LRP4: variants seen among roughly 807,000 people sequenced by gnomAD.
LRP4 encodes LDL receptor related protein 4.
LRP4 carries 95 observed loss-of-function variants against 220.3 expected under a neutral mutation model. The ratio of observed to expected loss-of-function variants is 0.43; its 90% CI spans 0.37 to 0.51. LRP4 has a LOEUF of 0.51. LRP4 is among the 20% of genes least tolerant of loss of function. LRP4 has a pLI of 0.00. For missense variants in LRP4, 1,925 were observed against 2,567.0 expected (o/e 0.75, Z 5.40); for synonymous variants, 903 against 954.6 (o/e 0.95, Z 1.00).
At chr11:46,888,363 G>A (rs1249004294) in intron 16 of LRP4, among the ~76,000 whole-genome samples, 3 of 150,780 alleles carry the variant, frequency 2.0e-5, no homozygotes, top group Non-Finnish European at 1.5e-5. Context: ...AGACCAGCCA[G>A]ACCAACATGG....
At chr11:46,880,482 C>T (rs917413657) in intron 20 of LRP4, among the ~76,000 whole-genome samples, 2 of 151,996 alleles carry the variant, frequency 1.3e-5, no homozygotes, top group African/African-American at 4.8e-5. Context: ...CCCGTAGGCT[C>T]CTGAGTAGCT....
At position 46,899,604 on chromosome 11, in the gene LRP4, C is replaced by T; in HGVS notation, c.431-101G>A. The T allele has an allele frequency of 2.2e-6, 2 of 914,848 alleles. No individual in the cohort carries two copies. Among genetic ancestry groups the T allele is most frequent in the Admixed American group, 1.7e-5 (1 of 58,690 alleles). 56.7% of individuals were successfully genotyped at this position (914,848 alleles called of 1,614,324 possible). ...ACCTCACTGGCTTTGGCGGGTCTGA[C>T]CTAGCCCCCGAAAGGCACCCCAGAG... On this transcript the variant is annotated intron_variant, in intron 4 of 37. Transcript: ENST00000378623. This position sits in a 1 kb window ranked among gnomAD's most constrained non-coding sequence, Gnocchi z 5.9.
At chr11:46,916,266 C>T (rs1271612635) in intron 1 of LRP4, among the ~76,000 whole-genome samples, 1 of 151,974 alleles carries the variant, frequency 6.6e-6, no homozygotes, top group African/African-American at 2.4e-5. Flanking sequence ...TGGTGAAACC[C>T]CATCTCTAGA....
rs534318687 is a variant in LRP4 at position 46,892,630 on chromosome 11, G to A, written c.1697+343C>T. Among the ~76,000 whole-genome samples the A allele has an allele frequency of 3.3e-5, 5 of 150,958 alleles. No individual in the cohort carries two copies. In the South Asian group the frequency reaches 1.0e-3, roughly 32 times the overall value. On this transcript the variant is annotated intron_variant, in intron 13 of 37. Transcript: ENST00000378623. ...TCTTTCTCCCAGGCTGGAGTGCAGT[G>A]GCGCAATCTCAGCTCACTGTAACCT...
chr11:46,876,765 G>A lies in LRP4; in HGVS notation c.3343C>T (p.His1115Tyr). ...ISRANLDGSQHEDIITTGLQT... is the reference protein window; with the variant it reads ...ISRANLDGSQYEDIITTGLQT... ...CCACCTGTGGTGATGATGTCCTCAT[G>A]CTGTGAGCCATCCAGATTGGCACGA... is the stretch of plus-strand genomic sequence containing the variant. The change falls in exon 24 of 38, where the codon CAT becomes TAT. Residue 1115 changes from histidine to tyrosine, a missense_variant. By Grantham distance (83) the His-to-Tyr change is moderately conservative. This residue lies in a region of LRP4 where 1,244 missense variants were observed against 1,624.9 expected (regional missense o/e 0.77). Coordinates refer to ENST00000378623, the MANE Select transcript of LRP4 (RefSeq NM_002334.4). The A allele has an allele frequency of 6.2e-7, 1 of 1,614,132 alleles. No individual in the cohort carries two copies. The highest frequency in any genetic ancestry group is 8.5e-7 in the Non-Finnish European group (1 of 1,180,018).
In LRP4 at chr11:46,867,960, C is replaced by T; in HGVS notation, c.5087+19G>A. The T allele has an allele frequency of 1.2e-6, 2 of 1,614,124 alleles. No homozygotes were observed. The highest frequency in any genetic ancestry group is 1.7e-6 in the Non-Finnish European group (2 of 1,180,018). On this transcript the variant is annotated intron_variant, in intron 34 of 37. Coordinates refer to ENST00000378623, the MANE Select transcript of LRP4 (RefSeq NM_002334.4). ...GATTTGAATCAAAGGGCCCATGATC[C>T]TGCATTGAACCTATTTACCTTCCTT...
chr11:46,865,056 A>G (rs1940658124), intron 35 of LRP4, 63 bp downstream of exon 35: 1 of 1,350,826 alleles, frequency 7.4e-7, no homozygotes, highest in Admixed American at 2.0e-5. Flanking sequence ...TATGAAAGAT[A>G]TCAGTGGAGA....
chr11:46,871,695 C>T, intron 30 of LRP4, 62 bp from the exon 31 acceptor site: 1 of 1,120,182 alleles, frequency 8.9e-7, no homozygotes, highest in South Asian at 1.3e-5. Context: ...AGCTCTTCCC[C>T]CTATGAACCT....
intron 32 of LRP4, 83 bp downstream of exon 32, chr11:46,868,905 C>T (rs575474437): frequency 6.3e-7 from 1 of 1,578,430 alleles, no homozygotes; most frequent in Admixed American, 1.7e-5. Flanking sequence ...GTGGCCCTAA[C>T]TGTCTTGGTC....
Position 46,918,390 on chromosome 11 carries a change from G to A in LRP4, c.-11C>T. ...CCACTGCCGCCTCATGGTGCCGCCC[G>A]CGCCGCTCGCCCGGGGTCCCGCCGG... On this transcript the variant is annotated 5_prime_UTR_variant, in exon 1 of 38. Coordinates refer to ENST00000378623, the MANE Select transcript of LRP4 (RefSeq NM_002334.4). This position sits in a 1 kb window ranked among gnomAD's most constrained non-coding sequence, Gnocchi z 6.0. 1.4e-6 allele frequency: 2 copies of A among 1,429,680 alleles called. No individual in the cohort carries two copies. Among genetic ancestry groups the A allele is most frequent in the South Asian group, 1.4e-5 (1 of 71,540 alleles). The allele number at this position is 1,429,680 out of a possible 1,614,324, so 88.6% of individuals were successfully genotyped here.
rs529045089 is a variant in LRP4 at position 46,875,031 on chromosome 11, C to G, written c.3998G>C (p.Cys1333Ser). The change falls in exon 28 of 38, where the codon TGT becomes TCT. Residue 1333 changes from cysteine (C) to serine (S), a missense_variant. Cys to Ser is a moderately radical substitution (Grantham distance 112). Coordinates refer to ENST00000378623, the MANE Select transcript of LRP4 (RefSeq NM_002334.4). The surrounding 1 kb of genome is among the most constrained non-coding windows in gnomAD (Gnocchi z 4.5). ...LCLPRPSGFSCACPTGIQLKG... is the reference protein window; with the variant it reads ...LCLPRPSGFSSACPTGIQLKG... Reference sequence around the variant, plus strand: ...CAGCTGGATGCCAGTGGGGCAGGCACAGGAGAAGCCAGAAGGCCGAGGCAA... The same window carrying G: ...CAGCTGGATGCCAGTGGGGCAGGCAGAGGAGAAGCCAGAAGGCCGAGGCAA... 2 of 1,613,992 alleles carry G rather than the reference C, an allele frequency of 1.2e-6. No homozygotes were observed. Among genetic ancestry groups the G allele is most frequent in the Non-Finnish European group, 1.7e-6 (2 of 1,180,030 alleles).
chr11:46,902,335 G>A (rs1941681114), intron 2 of LRP4, among the ~76,000 whole-genome samples: 1 of 146,462 alleles, frequency 6.8e-6, no homozygotes, highest in African/African-American at 2.6e-5. Flanking sequence ...CTCCAGCCTG[G>A]GAAACAGAAT....
At chr11:46,889,799 G>T in intron 15 of LRP4, 145 bp downstream of exon 15, 2 of 938,566 alleles carry the variant, frequency 2.1e-6, no homozygotes, top group Non-Finnish European at 3.4e-6. Context: ...GTCCAGCAGA[G>T]GGAGGAATTA....
intron 18 of LRP4, among the ~76,000 whole-genome samples, chr11:46,884,244 G>C (rs972176380): frequency 1.3e-5 from 2 of 152,194 alleles, no homozygotes; most frequent in Non-Finnish European, 2.9e-5. Flanking sequence ...TTTAGTGTGC[G>C]TAAGAATCAG....
intron 34 of LRP4, 80 bp from the exon 35 acceptor site, chr11:46,865,266 G>T: frequency 1.0e-6 from 1 of 1,001,058 alleles, no homozygotes; most frequent in Non-Finnish European, 1.6e-6. Context: ...AGGGGGAAAG[G>T]CCTGTAAGTG....
intron 1 of LRP4, among the ~76,000 whole-genome samples, chr11:46,903,559 TGAA>T (rs1448355140): frequency 6.6e-6 from 1 of 152,166 alleles, no homozygotes; most frequent in African/African-American, 2.4e-5. Context: ...TTGGTGCTTT[TGAA>T]GAAGAGGAAC....
rs1460497631 is a variant in LRP4, at chr11:46,895,181, T to C, written c.1294A>G (p.Ser432Gly). ...CAGCCCTTACCCAGAGCCTTGCAGC[T>C]GCGCCGGTCGGGCCGTAGTTCATAG... ...TGYELRPDRR[S>G]CKALGPEPVL... Residue 432 changes from serine (S) to glycine (G), a missense_variant, in exon 11 of 38, where the codon AGC (serine) becomes GGC (glycine). By Grantham distance (56) the Ser-to-Gly change is moderately conservative. This residue lies in a region of LRP4 where 269 missense variants were observed against 436.7 expected (regional missense o/e 0.62). Transcript: ENST00000378623. The C allele has an allele frequency of 5.0e-6, 8 of 1,614,044 alleles. No individual in the cohort carries two copies. Among genetic ancestry groups the C allele is most frequent in the African/African-American group, 1.3e-5 (1 of 75,040 alleles).
intron 1 of LRP4, among the ~76,000 whole-genome samples, chr11:46,913,624 G>A (rs1459354746): frequency 6.6e-6 from 1 of 152,080 alleles, no homozygotes; most frequent in Non-Finnish European, 1.5e-5. Flanking sequence ...CCAATGGGAG[G>A]GAGGGCTTGG....
At chr11:46,880,907 C>CA (rs141612620) in intron 20 of LRP4, among the ~76,000 whole-genome samples, 33 of 147,088 alleles carry the variant, frequency 2.2e-4, no homozygotes, top group Admixed American at 8.1e-4. Context: ...AAGTCTCTAC[C>CA]AAAAAAAAAG....
Sources: allele counts gnomAD v4.1 joint callset (sites outside exome capture counted in the v4.1 genomes callset), GRCh38; gene constraint gnomAD v4.1.1; regional missense constraint gnomAD v4.1.1; non-coding constraint Gnocchi (gnomAD v3.1); transcripts MANE v1.5; gene names NCBI Gene and HGNC (gene_info 2026-07-23, HGNC 2026-07-21).